Variants in RNF149 observed in about 807,000 individuals in gnomAD.
RNF149 encodes the protein ring finger protein 149, also known as E3 ubiquitin-protein ligase RNF149.
RNF149 carries 21 observed loss-of-function variants against 39.0 expected under a neutral mutation model. The ratio of observed to expected loss-of-function variants is 0.54; its 90% CI spans 0.38 to 0.77. RNF149 has a LOEUF of 0.77. Ranked by LOEUF, RNF149 falls within the 30% of genes least tolerant of loss-of-function variation. RNF149 has a pLI of 0.00. For missense variants in RNF149, 493 were observed against 534.9 expected, an observed-to-expected ratio of 0.92 and a Z score of 0.77; for synonymous variants, 209 against 213.6, an observed-to-expected ratio of 0.98 and a Z score of 0.19.
rs764680183 is a variant in RNF149, at chr2:101,308,333, C to T, written c.256G>A (p.Asp86Asn). 6.9e-6 allele frequency: 11 copies of T among 1,596,570 alleles called. No homozygotes were observed. The highest frequency in any genetic ancestry group is 1.4e-5 in the African/African-American group (1 of 72,558). The change falls in exon 1 of 7, where the codon GAC becomes AAC. Residue 86 changes from aspartate (D) to asparagine (N), a missense_variant. Coordinates refer to ENST00000295317, the MANE Select transcript of RNF149 (RefSeq NM_173647.4). ...GTGTCGGGCGCGCAGCCCTCGAGGT[C>T]TCCGCCGGGCGCCCACGGGACGCCC... ...LVGVPWAPGG[D>N]LEGCAPDTRF...
At chr2:101,306,045 G>A (rs1234675326) in intron 1 of RNF149, among the ~76,000 whole-genome samples, 6 of 152,156 alleles carry the variant, frequency 3.9e-5, no homozygotes, top group South Asian at 2.1e-4. Context: ...GAGAAGCTCC[G>A]AAGAAGTGGA....
intron 1 of RNF149, among the ~76,000 whole-genome samples, chr2:101,307,456 G>A (rs1246279045): frequency 6.6e-6 from 1 of 152,224 alleles, no homozygotes; most frequent in Non-Finnish European, 1.5e-5. Flanking sequence ...TGGGATTACA[G>A]GCGTGAGCCA....
In RNF149 at chr2:101,289,158, A is replaced by G. The variant is rs1176171477; in HGVS notation, c.781-103T>C. 5 of 669,476 alleles carry G rather than the reference A, an allele frequency of 7.5e-6. No homozygotes were observed. In the East Asian group the frequency reaches 8.0e-5, roughly 11 times the overall value. The allele number at this position is 669,476 out of a possible 1,614,324, so 41.5% of individuals were successfully genotyped here. On this transcript the variant is annotated intron_variant, in intron 3 of 6. Transcript: ENST00000295317. ...AAAACAATGACGAATTCCCTTCTAC[A>G]GTGGTACAACCGGTGAAATTAAAAC...
chr2:101,298,077 C>A (rs890723360), intron 1 of RNF149, among the ~76,000 whole-genome samples: 1 of 152,286 alleles, frequency 6.6e-6, no homozygotes, highest in African/African-American at 2.4e-5. Flanking sequence ...ATCTCTTTGG[C>A]CCAGCAATTC....
intron 2 of RNF149, 83 bp from the exon 3 acceptor site, chr2:101,294,165 C>CTTATGTGTATTTCTGTATT (rs1558788526): frequency 2.7e-5 from 20 of 738,152 alleles, no homozygotes; most frequent in Non-Finnish European, 4.2e-5. Context: ...ATATAATACA[C>CTTATGTGTATTTCTGTATT]ATAAGCATAC....
chr2:101,275,986 G>C lies in RNF149; in HGVS notation c.*1252C>G, dbSNP rs1461437922. Reference sequence around the variant, plus strand: ...TCAGTAAAACTGTTTACTATTTCATGATGAGTAGCTAGAATTAAAGCATTA... The same window carrying C: ...TCAGTAAAACTGTTTACTATTTCATCATGAGTAGCTAGAATTAAAGCATTA... On this transcript the variant is annotated 3_prime_UTR_variant, in exon 7 of 7. Coordinates refer to ENST00000295317, the MANE Select transcript of RNF149 (RefSeq NM_173647.4). 11 of 945,012 alleles carry C rather than the reference G, an allele frequency of 1.2e-5. No homozygotes were observed. Among genetic ancestry groups the C allele is most frequent in the Non-Finnish European group, 1.3e-5 (10 of 793,476 alleles). 58.5% of individuals were successfully genotyped at this position (945,012 alleles called of 1,614,324 possible).
At chr2:101,291,915 C>T (rs1683026838) in intron 3 of RNF149, among the ~76,000 whole-genome samples, 1 of 152,174 alleles carries the variant, frequency 6.6e-6, no homozygotes, top group African/African-American at 2.4e-5. Context: ...TGGGGTCACA[C>T]CTCACTGAAT....
intron 1 of RNF149, among the ~76,000 whole-genome samples, chr2:101,299,564 T>C (rs1234588904): frequency 6.6e-6 from 1 of 152,184 alleles, no homozygotes; most frequent in East Asian, 1.9e-4. Flanking sequence ...AAGCTAGAAG[T>C]CTTTTTTGTA....
chr2:101,290,134 C>T (rs1273508234), intron 3 of RNF149, among the ~76,000 whole-genome samples: 1 of 152,144 alleles, frequency 6.6e-6, no homozygotes, highest in Non-Finnish European at 1.5e-5. Flanking sequence ...GAGCCAAGAT[C>T]GCGCCACTGC....
intron 1 of RNF149, among the ~76,000 whole-genome samples, chr2:101,297,821 G>T (rs192085979): frequency 6.6e-5 from 10 of 152,252 alleles, no homozygotes; most frequent in Admixed American, 4.6e-4. Context: ...ACCCTAGAAA[G>T]AAACCCTGTG....
intron 6 of RNF149, among the ~76,000 whole-genome samples, chr2:101,279,001 A>T (rs533809729): frequency 4.1e-4 from 63 of 152,336 alleles, no homozygotes; most frequent in African/African-American, 1.5e-3. Context: ...CTCAACTATA[A>T]GTGAAACCAC....
At chr2:101,306,903 A>G (rs374396402) in intron 1 of RNF149, among the ~76,000 whole-genome samples, 13 of 152,224 alleles carry the variant, frequency 8.5e-5, no homozygotes, top group East Asian at 7.7e-4. Context: ...GAAGTATAGG[A>G]AAAAGAATGT....
Position 101,277,292 on chromosome 2 carries a change from G to GC in RNF149, c.1160-12dup. ...CACTCCTGCCGGCTTCTGCAAGAGA[G>GC]CAACATAAGCTACTCCATCAGAAGA... On this transcript the variant is annotated splice_polypyrimidine_tract_variant and intron_variant, in intron 6 of 6. Coordinates refer to ENST00000295317, the MANE Select transcript of RNF149 (RefSeq NM_173647.4). The GC allele has an allele frequency of 6.2e-7, 1 of 1,611,494 alleles. No individual in the cohort carries two copies. The highest frequency in any genetic ancestry group is 1.1e-5 in the South Asian group (1 of 90,586).
chr2:101,294,261 A>G, intron 2 of RNF149, 179 bp from the exon 3 acceptor site: 1 of 474,158 alleles, frequency 2.1e-6, no homozygotes, highest in Non-Finnish European at 3.8e-6. Context: ...TTTTGCACCA[A>G]CTTCATAAAA....
intron 4 of RNF149, 83 bp from the exon 5 acceptor site, chr2:101,286,260 A>G: frequency 1.3e-6 from 1 of 750,648 alleles, no homozygotes. Flanking sequence ...GTACCAACTC[A>G]TCCTCTCATT....
Position 101,275,810 on chromosome 2 carries a change from T to A in RNF149, c.*1428A>T. 1 of 976,530 alleles carries A rather than the reference T, an allele frequency of 1.0e-6. No homozygotes were observed. 60.5% of individuals were successfully genotyped at this position (976,530 alleles called of 1,614,324 possible). A position where few individuals can be genotyped will look rare whatever the true frequency, so the allele number is the denominator to read the frequency against. ...ACAGAATCAGGATGTATTTTCCTAT[T>A]TATAATAAACTACAGAAGGTAGATT... On this transcript the variant is annotated 3_prime_UTR_variant, in exon 7 of 7. Coordinates refer to ENST00000295317, the MANE Select transcript of RNF149 (RefSeq NM_173647.4).
At chr2:101,278,025 C>G (rs1682416516) in intron 6 of RNF149, among the ~76,000 whole-genome samples, 1 of 151,852 alleles carries the variant, frequency 6.6e-6, no homozygotes, top group Admixed American at 6.6e-5. Flanking sequence ...GTACTGAAAT[C>G]CAGACAGTTG....
intron 1 of RNF149, among the ~76,000 whole-genome samples, chr2:101,296,535 A>G (rs1423087113): frequency 1.3e-5 from 2 of 152,214 alleles, no homozygotes; most frequent in African/African-American, 4.8e-5. Flanking sequence ...GAGACAGAAT[A>G]AAAGTCCAGA....
chr2:101,282,072 C>T lies in RNF149; in HGVS notation c.961-15G>A, dbSNP rs1309987867. ...CCAGGCTCTCCCTTGAGAATTAGAA[C>T]AGAAGAAAAAACATGATCAAAGCTT... On this transcript the variant is annotated splice_polypyrimidine_tract_variant and intron_variant, in intron 5 of 6. Coordinates refer to ENST00000295317, the MANE Select transcript of RNF149 (RefSeq NM_173647.4). 2 of 1,612,672 alleles carry T rather than the reference C, an allele frequency of 1.2e-6. No individual in the cohort carries two copies. The highest frequency in any genetic ancestry group is 1.3e-5 in the African/African-American group (1 of 74,746).
Sources: allele counts gnomAD v4.1 joint callset (sites outside exome capture counted in the v4.1 genomes callset), GRCh38; gene constraint gnomAD v4.1.1; transcripts MANE v1.5; gene names NCBI Gene and HGNC (gene_info 2026-07-23, HGNC 2026-07-21).